Variants in GPANK1 observed in about 807,000 individuals in gnomAD.
The protein encoded by GPANK1 is G patch domain and ankyrin repeat-containing protein 1.
GPANK1 carries 22 observed loss-of-function variants against 24.0 expected under a neutral mutation model. That is an observed-to-expected ratio of 0.92 (90% CI 0.66 to 1.31). The LOEUF is 1.31. GPANK1 is among the 50% of genes most tolerant of loss of function. GPANK1 has a pLI of 0.00. For synonymous variants in GPANK1, 174 were observed against 177.4 expected, an observed-to-expected ratio of 0.98 and a Z score of 0.15; for missense variants, 469 against 453.5, an observed-to-expected ratio of 1.03 and a Z score of -0.31.
Position 31,662,776 on chromosome 6 carries a change from A to AG in GPANK1, c.627-67dup, listed in dbSNP as rs1462744213. The AG allele has an allele frequency of 4.9e-6, 5 of 1,029,954 alleles. No homozygotes were observed. Among genetic ancestry groups the AG allele is most frequent in the Non-Finnish European group, 1.4e-6 (1 of 693,644 alleles). 63.8% of individuals were successfully genotyped at this position (1,029,954 alleles called of 1,614,324 possible). ...AAAAGGGGAAGAGTTGAGGCCTCAG[A>AG]GGGGGCTGGCAGGGTAGAATAGGAT... is the stretch of plus-strand genomic sequence containing the variant. On this transcript the variant is annotated intron_variant, in intron 2 of 2. Coordinates refer to ENST00000375896, the MANE Select transcript of GPANK1 (RefSeq NM_033177.4). This position sits in a 1 kb window ranked among gnomAD's most constrained non-coding sequence, Gnocchi z 5.5.
At chr6:31,663,452 A>C (rs1048054308) in intron 2 of GPANK1, 1 of 185,970 alleles carries the variant, frequency 5.4e-6, no homozygotes, top group Non-Finnish European at 1.1e-5. Flanking sequence ...TAGTTGAAAG[A>C]AAAAAATGGT....
Position 31,662,675 on chromosome 6 carries a change from C to T in GPANK1, c.662G>A (p.Cys221Tyr). 12 of 1,609,446 alleles carry T rather than the reference C, an allele frequency of 7.5e-6. No homozygotes were observed. The highest frequency in any genetic ancestry group is 1.0e-5 in the Non-Finnish European group (12 of 1,177,440). ...PTPSLQYCENCDTHFQDSNHR... is the reference protein window; with the variant it reads ...PTPSLQYCENYDTHFQDSNHR... ...GTTGGAATCTTGGAAGTGGGTGTCA[C>T]AGTTCTCGCAGTACTGGAGGGAGGG... Residue 221 changes from cysteine (C) to tyrosine (Y), a missense_variant, in exon 3 of 3, where the codon TGT (cysteine) becomes TAT (tyrosine). Cys to Tyr is a radical substitution (Grantham distance 194). Coordinates refer to ENST00000375896, the MANE Select transcript of GPANK1 (RefSeq NM_033177.4). This position sits in a 1 kb window ranked among gnomAD's most constrained non-coding sequence, Gnocchi z 5.5.
chr6:31,666,074 C>A, upstream of GPANK1: 2 of 993,488 alleles, frequency 2.0e-6, no homozygotes, highest in Non-Finnish European at 2.4e-6. Context: ...CTTCCCCACC[C>A]TCCCTAATTT....
rs752587042 is a variant in GPANK1 at position 31,664,042 on chromosome 6, G to A, written c.437C>T (p.Pro146Leu). 4.3e-6 allele frequency: 7 copies of A among 1,614,172 alleles called. No homozygotes were observed. Among genetic ancestry groups the A allele is most frequent in the Non-Finnish European group, 5.9e-6 (7 of 1,180,026 alleles). Residue 146 changes from proline (P) to leucine (L), a missense_variant, in exon 2 of 3, where the codon CCA becomes CTA. Coordinates refer to ENST00000375896, the MANE Select transcript of GPANK1 (RefSeq NM_033177.4). ...INARDAFWWT[P>L]LMCAARAGQG... ...GCCCGCTCGAGCAGCACACATCAGT[G>A]GGGTCCACCAGAAGGCATCCCGGGC...
Position 31,662,192 on chromosome 6 carries a change from G to A in GPANK1, c.*74C>T. ...CTGCATCTGAGCAGATCCCAGGAAGGGGAAGTCAAAGGGCCCAGGTCAGAG... is the reference window on the plus strand; with the variant it reads ...CTGCATCTGAGCAGATCCCAGGAAGAGGAAGTCAAAGGGCCCAGGTCAGAG... On this transcript the variant is annotated 3_prime_UTR_variant, in exon 3 of 3. Transcript: ENST00000375896. This position sits in a 1 kb window ranked among gnomAD's most constrained non-coding sequence, Gnocchi z 5.5. The A allele has an allele frequency of 1.0e-6, 1 of 964,792 alleles. No homozygotes were observed. Among genetic ancestry groups the A allele is most frequent in the Non-Finnish European group, 1.5e-6 (1 of 646,990 alleles). 59.8% of individuals were successfully genotyped at this position (964,792 alleles called of 1,614,324 possible).
Position 31,664,431 on chromosome 6 carries a change from G to A in GPANK1, c.48C>T (p.Ser16=). Residue 16 remains serine (S), a synonymous_variant, in exon 2 of 3, where the codon AGC becomes AGT. Transcript: ENST00000375896. The stretch of plus-strand genomic sequence containing the variant: ...GCTGCTGCCCATCCTTCCAGAGGTC[G>A]CTGGGGTCAGTGGCTGGGGTGAAGG... ...LITFTPATDP[S]DLWKDGQQQP... 1 of 1,614,028 alleles carries A rather than the reference G, an allele frequency of 6.2e-7. No individual in the cohort carries two copies. Among genetic ancestry groups the A allele is most frequent in the South Asian group, 1.1e-5 (1 of 91,082 alleles).
chr6:31,666,176 T>TACCCC, upstream of GPANK1: 1 of 990,932 alleles, frequency 1.0e-6, no homozygotes, highest in Non-Finnish European at 1.2e-6. Context: ...GCAACTTCCC[T>TACCCC]ACCCCACCCC....
At chr6:31,665,366 C>T, upstream of GPANK1, 1 of 1,285,636 alleles carries the variant, frequency 7.8e-7, no homozygotes, top group Non-Finnish European at 1.1e-6. Flanking sequence ...GCCGAGAAGC[C>T]GTGTAATGAA....
Position 31,664,556 on chromosome 6 carries a change from T to G in GPANK1, c.-78A>C, listed in dbSNP as rs1801381667. On this transcript the variant is annotated 5_prime_UTR_variant, in exon 2 of 3. Coordinates refer to ENST00000375896, the MANE Select transcript of GPANK1 (RefSeq NM_033177.4). ...GTAAGCCAAGCTCGTGGTGACCCTG[T>G]AGCAACCACAGCCTCAGAGACCTGC... is the stretch of plus-strand genomic sequence containing the variant. 1 of 1,151,880 alleles carries G rather than the reference T, an allele frequency of 8.7e-7. No individual in the cohort carries two copies. The highest frequency in any genetic ancestry group is 1.3e-6 in the Non-Finnish European group (1 of 796,446). 71.4% of individuals were successfully genotyped at this position (1,151,880 alleles called of 1,614,324 possible). A position where few individuals can be genotyped will look rare whatever the true frequency, so the allele number is the denominator to read the frequency against.
chr6:31,661,407 T>C lies in GPANK1; in HGVS notation c.*859A>G, dbSNP rs1351366924. 5.3e-5 allele frequency: 8 copies of C among 152,302 alleles called. No homozygotes were observed. Among genetic ancestry groups the C allele is most frequent in the Non-Finnish European group, 1.2e-4 (8 of 68,062 alleles). The allele number at this position is 152,302 out of a possible 1,614,324, so 9.4% of individuals were successfully genotyped here. On this transcript the variant is annotated 3_prime_UTR_variant, in exon 3 of 3. Transcript: ENST00000375896. Reference sequence around the variant, plus strand: ...TCCCTTATCACCCTGCATTATAATATTTGATAACATGGGCCGGGAGTGGTG... The same window carrying C: ...TCCCTTATCACCCTGCATTATAATACTTGATAACATGGGCCGGGAGTGGTG...
upstream of GPANK1, chr6:31,665,414 G>A (rs563308927): frequency 8.4e-6 from 13 of 1,551,626 alleles, no homozygotes; most frequent in African/African-American, 1.1e-4. Context: ...ACTCTGACCA[G>A]GGTTCGAAGG....
upstream of GPANK1, chr6:31,666,235 A>G (rs989349190): frequency 2.1e-5 from 21 of 979,544 alleles, no homozygotes; most frequent in Non-Finnish European, 2.4e-5. Context: ...CGCTGCTCCG[A>G]GTCCCTTGTC....
At chr6:31,666,198 C>T, upstream of GPANK1, 1 of 992,264 alleles carries the variant, frequency 1.0e-6, no homozygotes, top group Non-Finnish European at 1.2e-6. Flanking sequence ...GTCCTGGTCC[C>T]CGTCCAGCCG....
chr6:31,665,910 C>G (rs1450456644), upstream of GPANK1: 5 of 1,083,386 alleles, frequency 4.6e-6, no homozygotes, highest in African/African-American at 6.4e-5. Context: ...CGCAAGCGCC[C>G]TCCTCCGGGC....
At chr6:31,666,089 T>TC (rs1801653751), upstream of GPANK1, 3 of 948,254 alleles carry the variant, frequency 3.2e-6, no homozygotes, top group South Asian at 4.8e-5. Flanking sequence ...TAATTTCCAC[T>TC]CCCCCCACCC....
At position 31,662,275 on chromosome 6, in the gene GPANK1, G is replaced by A. The variant is rs201946801; in HGVS notation, c.1062C>T (p.Leu354=). 9.1e-6 allele frequency: 14 copies of A among 1,537,510 alleles called. No homozygotes were observed. Among genetic ancestry groups the A allele is most frequent in the South Asian group, 1.2e-5 (1 of 80,496 alleles). The change falls in exon 3 of 3, where the codon CTC becomes CTT. Residue 354 remains leucine (L), a synonymous_variant. Coordinates refer to ENST00000375896, the MANE Select transcript of GPANK1 (RefSeq NM_033177.4). The surrounding 1 kb of genome is among the most constrained non-coding windows in gnomAD (Gnocchi z 5.5). The part of the protein sequence containing the change: ...WERDLRTYMN[L]EF ...TCAGACTTTACCAAAGTCAGAACTC[G>A]AGGTTCATGTAAGTCCTTAGATCCC...
chr6:31,663,036 C>T (rs1801104153), intron 2 of GPANK1, among the ~76,000 whole-genome samples: 1 of 149,298 alleles, frequency 6.7e-6, no homozygotes, highest in Admixed American at 6.7e-5. Flanking sequence ...GCAACTTCCA[C>T]CTTAGCGATT....
chr6:31,661,241 G>A lies in GPANK1; in HGVS notation c.*1025C>T, dbSNP rs1211290917. On this transcript the variant is annotated 3_prime_UTR_variant, in exon 3 of 3. Coordinates refer to ENST00000375896, the MANE Select transcript of GPANK1 (RefSeq NM_033177.4). ...AGTGTAGACAAATGGGTGGAACAAAGAAGTTTAAAGTTTAGATTTGGGGGC... is the reference window on the plus strand; with the variant it reads ...AGTGTAGACAAATGGGTGGAACAAAAAAGTTTAAAGTTTAGATTTGGGGGC... 1 of 121,430 alleles carries A rather than the reference G, an allele frequency of 8.2e-6. No individual in the cohort carries two copies. Among genetic ancestry groups the A allele is most frequent in the Non-Finnish European group, 1.6e-5 (1 of 61,444 alleles). The allele number at this position is 121,430 out of a possible 1,614,324, so 7.5% of individuals were successfully genotyped here. A position where few individuals can be genotyped will look rare whatever the true frequency, so the allele number is the denominator to read the frequency against.
At position 31,664,155 on chromosome 6, in the gene GPANK1, T is replaced by C; in HGVS notation, c.324A>G (p.Ile108Met). 6.2e-6 allele frequency: 10 copies of C among 1,614,274 alleles called. No individual in the cohort carries two copies. Among genetic ancestry groups the C allele is most frequent in the South Asian group, 1.1e-5 (1 of 91,092 alleles). ...GGTCCCCCTCCTGGGCTGCCCTCAGTATCCGGTGAGTCATCTTATCCTCAG... is the reference window on the plus strand; with the variant it reads ...GGTCCCCCTCCTGGGCTGCCCTCAGCATCCGGTGAGTCATCTTATCCTCAG... ...LEAEDKMTHR[I>M]LRAAQEGDLP... Residue 108 changes from isoleucine to methionine, a missense_variant, in exon 2 of 3, where the codon ATA becomes ATG. By Grantham distance (10) the Ile-to-Met change is conservative. Transcript: ENST00000375896.
Sources: gnomAD v4.1 joint callset for allele counts (sites outside exome capture counted in the v4.1 genomes callset) on GRCh38, gnomAD v4.1.1 for gene constraint, Gnocchi (gnomAD v3.1) non-coding constraint, MANE v1.5 for transcripts, NCBI Gene and HGNC (gene_info 2026-07-23, HGNC 2026-07-21) for gene names.